Variants in PARD3 observed in about 807,000 individuals in gnomAD.
The protein encoded by PARD3 is partitioning defective 3 homolog.
Under a neutral mutation model 155.4 loss-of-function variants are expected in PARD3, and 75 were observed. The ratio of observed to expected loss-of-function variants is 0.48; its 90% confidence interval spans 0.40 to 0.58. PARD3 has a LOEUF of 0.58. Among genes scored for constraint, PARD3 ranks in the 20% least tolerant of loss-of-function variants. The probability of loss-of-function intolerance (pLI) is 0.00; values close to 1 mark genes in which losing one functional copy is unlikely to be tolerated. For missense variants in PARD3, 1,642 were observed against 1,721.7 expected, an observed-to-expected ratio of 0.95 and a Z score of 0.82; for synonymous variants, 576 against 610.5, an observed-to-expected ratio of 0.94 and a Z score of 0.83.
At chr10:34,135,951 G>A (rs1947873306) in intron 22 of PARD3, among the ~76,000 whole-genome samples, 1 of 152,180 alleles carries the variant, frequency 6.6e-6, no homozygotes, top group South Asian at 2.1e-4. Context: ...AGGGATGCTG[G>A]CCTGGTGTTG....
chr10:34,521,719 A>G (rs2082158624), intron 2 of PARD3, among the ~76,000 whole-genome samples: 1 of 152,214 alleles, frequency 6.6e-6, no homozygotes, highest in Non-Finnish European at 1.5e-5. Context: ...TAACTATGAA[A>G]CATCAGAACC....
At chr10:34,429,209 A>G (rs2075773799) in intron 5 of PARD3, among the ~76,000 whole-genome samples, 1 of 152,176 alleles carries the variant, frequency 6.6e-6, no homozygotes, top group South Asian at 2.1e-4. Flanking sequence ...ATGAATTTTT[A>G]TATCCCATGT....
Position 34,349,571 on chromosome 10 carries a change from C to T in PARD3, c.2068-1456G>A, listed in dbSNP as rs10827351. ...TGTAATGCCTAAATTCCAAGAGACT[C>T]TGGGAAAGTAAAAAAAAAAAAAAAA... On this transcript the variant is annotated intron_variant, in intron 14 of 24. Coordinates refer to ENST00000374788, the MANE Select transcript of PARD3 (RefSeq NM_001184785.2). Among the ~76,000 whole-genome samples, 51 of 69,684 alleles carry T rather than the reference C, an allele frequency of 7.3e-4. 1 individual carries two copies. Among genetic ancestry groups the T allele is most frequent in the Non-Finnish European group, 2.0e-4 (8 of 39,810 alleles). 45.7% of individuals were successfully genotyped at this position (69,684 alleles called of 152,430 possible). A position where few individuals can be genotyped will look rare whatever the true frequency, so the allele number is the denominator to read the frequency against.
At chr10:34,527,288 C>A (rs918243480) in intron 2 of PARD3, among the ~76,000 whole-genome samples, 2 of 152,180 alleles carry the variant, frequency 1.3e-5, no homozygotes, top group South Asian at 2.1e-4. Context: ...TAAGAACTAG[C>A]CTTGTTTCCA....
At chr10:34,626,286 GA>G (rs1159750003) in intron 2 of PARD3, among the ~76,000 whole-genome samples, 1 of 152,186 alleles carries the variant, frequency 6.6e-6, no homozygotes, top group East Asian at 1.9e-4. Flanking sequence ...GAGTGGAATG[GA>G]AGGTACACTA....
At chr10:34,560,493 CA>C (rs1169091467) in intron 2 of PARD3, among the ~76,000 whole-genome samples, 2 of 151,966 alleles carry the variant, frequency 1.3e-5, no homozygotes, top group Non-Finnish European at 2.9e-5. Flanking sequence ...GACAATGTCA[CA>C]AAAAAACAAA....
rs75027717 is a variant in PARD3, at chr10:34,361,568, G to C, written c.1708-1309C>G. On this transcript the variant is annotated intron_variant, in intron 12 of 24. Transcript: ENST00000374788. Reference sequence around the variant, plus strand: ...GAAATTTGGAATGCAAGGAATTTGGGGCATAAACATGCAATCTCAGATGTC... The same window carrying C: ...GAAATTTGGAATGCAAGGAATTTGGCGCATAAACATGCAATCTCAGATGTC... 7.8e-3 allele frequency among the ~76,000 whole-genome samples: 1,185 copies of C among 152,076 alleles called. 17 individuals carry two copies. The highest frequency in any genetic ancestry group is 0.027 in the African/African-American group (1,126 of 41,506).
intron 5 of PARD3, among the ~76,000 whole-genome samples, chr10:34,431,934 C>A (rs1466648867): frequency 1.4e-5 from 2 of 139,134 alleles, no homozygotes; most frequent in Non-Finnish European, 3.1e-5. Context: ...CCCAGCTACT[C>A]GGGAGGCTGA....
At chr10:34,538,093 C>T (rs1299721434) in intron 2 of PARD3, among the ~76,000 whole-genome samples, 2 of 152,130 alleles carry the variant, frequency 1.3e-5, no homozygotes, top group Non-Finnish European at 2.9e-5. Flanking sequence ...AATTGTTTAG[C>T]CGAGATCCGC....
chr10:34,380,642 T>C (rs150254491), intron 9 of PARD3, among the ~76,000 whole-genome samples: 1,762 of 152,276 alleles, frequency 0.012, 53 homozygotes, highest in Admixed American at 0.068. Context: ...TCTCATTCTT[T>C]CATTAGCAAA....
intron 23 of PARD3, among the ~76,000 whole-genome samples, chr10:34,122,224 C>A (rs1490584172): frequency 6.6e-6 from 1 of 152,184 alleles, no homozygotes; most frequent in African/African-American, 2.4e-5. Flanking sequence ...TAAGCTCGTG[C>A]TGTTCTGTGA....
intron 2 of PARD3, among the ~76,000 whole-genome samples, chr10:34,660,818 A>C (rs1160089192): frequency 6.6e-6 from 1 of 152,118 alleles, no homozygotes; most frequent in Non-Finnish European, 1.5e-5. Context: ...CACAAAACAG[A>C]AGCTATGCTT....
At chr10:34,203,428 G>C (rs776153436) in intron 22 of PARD3, among the ~76,000 whole-genome samples, 2 of 152,100 alleles carry the variant, frequency 1.3e-5, no homozygotes, top group Non-Finnish European at 1.5e-5. Context: ...GTTGTCTCTT[G>C]GTATCTACGG....
chr10:34,436,128 G>T (rs928760928), intron 5 of PARD3, among the ~76,000 whole-genome samples: 2 of 152,186 alleles, frequency 1.3e-5, no homozygotes, highest in African/African-American at 4.8e-5. Context: ...CTTTCAGAAA[G>T]TCTCATTTGA....
intron 19 of PARD3, among the ~76,000 whole-genome samples, chr10:34,329,377 A>G (rs375938442): frequency 9.2e-5 from 14 of 152,314 alleles, no homozygotes; most frequent in African/African-American, 3.1e-4. Context: ...GGGCCAAAGC[A>G]TAGTAATTTT....
intron 3 of PARD3, among the ~76,000 whole-genome samples, chr10:34,501,362 C>T (rs1564785181): frequency 6.6e-6 from 1 of 152,120 alleles, no homozygotes; most frequent in Admixed American, 6.6e-5. Context: ...GACGTGCCTC[C>T]TCCCCCTTCA....
At chr10:34,506,918 G>C (rs1309287757) in intron 3 of PARD3, among the ~76,000 whole-genome samples, 1 of 152,200 alleles carries the variant, frequency 6.6e-6, no homozygotes, top group Non-Finnish European at 1.5e-5. Context: ...GATTCACAGT[G>C]CTCCTGCTGC....
At chr10:34,397,110 A>G (rs1470825838) in intron 7 of PARD3, among the ~76,000 whole-genome samples, 1 of 152,230 alleles carries the variant, frequency 6.6e-6, no homozygotes, top group Non-Finnish European at 1.5e-5. Context: ...GGATTGTCAC[A>G]ACAGAAATGC....
chr10:34,739,467 A>G (rs2094970227), intron 1 of PARD3, among the ~76,000 whole-genome samples: 1 of 152,190 alleles, frequency 6.6e-6, no homozygotes, highest in African/African-American at 2.4e-5. Flanking sequence ...CGTCCACCTG[A>G]CTTATATTAA....
Sources: gnomAD v4.1 joint callset for allele counts (sites outside exome capture counted in the v4.1 genomes callset) on GRCh38, gnomAD v4.1.1 for gene constraint, MANE v1.5 for transcripts, NCBI Gene and HGNC (gene_info 2026-07-23, HGNC 2026-07-21) for gene names.